ROBO2: variants seen among roughly 807,000 people sequenced by gnomAD.
The protein encoded by ROBO2 is roundabout guidance receptor 2, also known as roundabout homolog 2.
Under a neutral mutation model 160.8 loss-of-function variants are expected in ROBO2, and 53 were observed. The ratio of observed to expected loss-of-function variants is 0.33; its 90% CI spans 0.26 to 0.41. The LOEUF (loss-of-function observed/expected upper bound fraction) is 0.41, where lower values mean the gene tolerates loss of function less well. Among genes scored for constraint, ROBO2 ranks in the 10% least tolerant of loss-of-function variants. The pLI is 1.00. For synonymous variants in ROBO2, 664 were observed against 611.7 expected, an observed-to-expected ratio of 1.09 and a Z score of -1.26; for missense variants, 1,577 against 1,722.4, an observed-to-expected ratio of 0.92 and a Z score of 1.49.
intron 2 of ROBO2, among the ~76,000 whole-genome samples, chr3:76,829,984 T>G (rs1030592199): frequency 5.3e-5 from 8 of 152,200 alleles, no homozygotes; most frequent in African/African-American, 1.9e-4. Context: ...CTATGTTTTT[T>G]AAGGCACCAT....
chr3:77,564,218 C>A (rs1246174866), intron 11 of ROBO2, among the ~76,000 whole-genome samples: 1 of 152,032 alleles, frequency 6.6e-6, no homozygotes, highest in Non-Finnish European at 1.5e-5. Flanking sequence ...AAACTGACCA[C>A]CCTGAAAATT....
chr3:76,655,205 A>T (rs1303246308), intron 2 of ROBO2, among the ~76,000 whole-genome samples: 1 of 150,124 alleles, frequency 6.7e-6, no homozygotes, highest in East Asian at 2.0e-4. Flanking sequence ...AATAGTCAAA[A>T]TTCTATCAAC....
At chr3:76,067,113 T>C (rs2068279444) in intron 2 of ROBO2, among the ~76,000 whole-genome samples, 2 of 152,186 alleles carry the variant, frequency 1.3e-5, no homozygotes, top group Non-Finnish European at 1.5e-5. Flanking sequence ...TGGTTCAGGC[T>C]GTGAATTCTG....
chr3:76,086,591 A>G (rs562183774), intron 2 of ROBO2, among the ~76,000 whole-genome samples: 3 of 152,126 alleles, frequency 2.0e-5, no homozygotes, highest in African/African-American at 7.2e-5. Flanking sequence ...TTAAAGGCCT[A>G]TTTACTGCAG....
At chr3:77,348,669 C>A (rs569629139) in intron 2 of ROBO2, among the ~76,000 whole-genome samples, 1 of 152,126 alleles carries the variant, frequency 6.6e-6, no homozygotes, top group Non-Finnish European at 1.5e-5. Context: ...GTCCAGATTG[C>A]GTTCATTTCC....
rs189424766 is a variant in ROBO2 at position 77,485,024 on chromosome 3, A to G, written c.667+3805A>G. On this transcript the variant is annotated intron_variant, in intron 4 of 25. Coordinates refer to ENST00000461745, the Ensembl canonical transcript of ROBO2. Reference sequence around the variant, plus strand: ...CTTTAGCTATTAAGTCCCCTTCACTACAGTCTTCCCTGAGGCTGCCTGATC... The same window carrying G: ...CTTTAGCTATTAAGTCCCCTTCACTGCAGTCTTCCCTGAGGCTGCCTGATC... Among the ~76,000 whole-genome samples, 9 of 152,198 alleles carry G rather than the reference A, an allele frequency of 5.9e-5. No homozygotes were observed. In the East Asian group the frequency reaches 1.7e-3, roughly 29 times the overall value.
intron 2 of ROBO2, among the ~76,000 whole-genome samples, chr3:76,444,793 G>T (rs976513782): frequency 2.0e-5 from 3 of 152,124 alleles, no homozygotes; most frequent in African/African-American, 7.2e-5. Flanking sequence ...CACCAAACTG[G>T]TGTTATAATA....
At chr3:77,056,068 A>G (rs1040114723) in intron 1 of ROBO2, among the ~76,000 whole-genome samples, 1 of 152,212 alleles carries the variant, frequency 6.6e-6, no homozygotes, top group Non-Finnish European at 1.5e-5. Flanking sequence ...GTGGGAAAAC[A>G]TTAGATCATA....
intron 2 of ROBO2, among the ~76,000 whole-genome samples, chr3:76,211,437 G>A (rs181875133): frequency 3.0e-4 from 46 of 152,144 alleles, no homozygotes; most frequent in Non-Finnish European, 6.2e-4. Flanking sequence ...TTTTCTTTTA[G>A]TGATGTGACC....
At chr3:77,240,302 G>A (rs988303909) in intron 2 of ROBO2, among the ~76,000 whole-genome samples, 27 of 152,260 alleles carry the variant, frequency 1.8e-4, no homozygotes, top group African/African-American at 6.5e-4. Flanking sequence ...TGGGGGACCC[G>A]GCGCTCCCTC....
intron 16 of ROBO2, among the ~76,000 whole-genome samples, chr3:77,580,320 CT>C (rs922831056): frequency 2.7e-4 from 41 of 151,992 alleles, no homozygotes; most frequent in African/African-American, 9.7e-4. Flanking sequence ...GTCCCAGAGC[CT>C]TATTAAAATT....
chr3:77,013,599 G>T (rs1157026291), intron 2 of ROBO2, among the ~76,000 whole-genome samples: 2 of 152,018 alleles, frequency 1.3e-5, no homozygotes, highest in African/African-American at 4.8e-5. Flanking sequence ...AATGCTCATT[G>T]TTGCTTCCTC....
chr3:77,431,650 T>C (rs4308253), intron 2 of ROBO2, among the ~76,000 whole-genome samples: 99,093 of 151,888 alleles, frequency 0.65, 32,762 homozygotes, highest in African/African-American at 0.73. Context: ...ATGTTTGGCT[T>C]ATACTATTCA....
chr3:76,302,142 T>C (rs780027303), intron 2 of ROBO2, among the ~76,000 whole-genome samples: 2 of 152,070 alleles, frequency 1.3e-5, no homozygotes, highest in Non-Finnish European at 2.9e-5. Context: ...TATACTGATA[T>C]ATGGCTATAT....
chr3:77,565,054 G>A, exon 12 of ROBO2: 1 of 1,613,704 alleles, frequency 6.2e-7, no homozygotes, highest in Non-Finnish European at 8.5e-7. Context: ...CTTATTCATG[G>A]TCAGAGCGAT....
At chr3:77,232,110 T>G (rs544607572) in intron 2 of ROBO2, among the ~76,000 whole-genome samples, 48 of 152,190 alleles carry the variant, frequency 3.2e-4, no homozygotes, top group Non-Finnish European at 6.0e-4. Context: ...GTCGAGTACT[T>G]TTAGTGAAGC....
rs530784449 is a variant in ROBO2 at position 76,323,394 on chromosome 3, T to G, written c.109+385792T>G. 3.9e-5 allele frequency among the ~76,000 whole-genome samples: 6 copies of G among 152,334 alleles called. No individual in the cohort carries two copies. In the East Asian group the frequency reaches 9.6e-4, roughly 24 times the overall value. ...TCATTATAGATGTGAAAATGTTAGA[T>G]GCATACTATTATTTTTTTATTTTTA... is the stretch of plus-strand genomic sequence containing the variant. On this transcript the variant is annotated intron_variant, in intron 2 of 26. Transcript: ENST00000487694.
intron 1 of ROBO2, among the ~76,000 whole-genome samples, chr3:77,074,727 A>G (rs1250582024): frequency 6.7e-6 from 1 of 149,344 alleles, no homozygotes; most frequent in Non-Finnish European, 1.5e-5. Flanking sequence ...TTCAGTATAA[A>G]TGAATAAGTG....
rs530325353 is a variant in ROBO2 at position 77,247,503 on chromosome 3, A to G, written c.388+149163A>G. Among the ~76,000 whole-genome samples the G allele has an allele frequency of 2.0e-5, 3 of 152,316 alleles. No homozygotes were observed. In the East Asian group the frequency reaches 5.8e-4, roughly 29 times the overall value. On this transcript the variant is annotated intron_variant, in intron 2 of 25. Coordinates refer to ENST00000461745, the Ensembl canonical transcript of ROBO2. ...TTTACAGTGCTGAGAGTGATTCCATATTCACATCCCAAATATAAGGCCAGT... is the reference window on the plus strand; with the variant it reads ...TTTACAGTGCTGAGAGTGATTCCATGTTCACATCCCAAATATAAGGCCAGT...
Sources: allele counts gnomAD v4.1 joint callset (sites outside exome capture counted in the v4.1 genomes callset), GRCh38; gene constraint gnomAD v4.1.1; transcripts MANE v1.5; gene names NCBI Gene and HGNC (gene_info 2026-07-23, HGNC 2026-07-21).